USP10: variants seen among roughly 807,000 people sequenced by gnomAD.
The protein encoded by USP10 is ubiquitin carboxyl-terminal hydrolase 10.
USP10 carries 22 observed loss-of-function variants against 84.5 expected under a neutral mutation model. The observed-to-expected ratio is 0.26, with a 90% CI of 0.19 to 0.37. The LOEUF is 0.37. Ranked by LOEUF, USP10 falls within the 10% of genes least tolerant of loss-of-function variation. The pLI, the probability that USP10 is intolerant of heterozygous loss-of-function variation, is 1.00. For synonymous variants in USP10, 454 were observed against 387.6 expected (o/e 1.17, Z -2.01); for missense variants, 1,019 against 998.9 (o/e 1.02, Z -0.27).
intron 3 of USP10, among the ~76,000 whole-genome samples, chr16:84,741,258 A>G (rs1394184959): frequency 6.6e-6 from 1 of 152,254 alleles, no homozygotes; most frequent in Non-Finnish European, 1.5e-5. Flanking sequence ...TTTATAAGAA[A>G]TGTGGGAGAC....
rs34240400 is a variant in USP10, at chr16:84,735,196, G to GGTGTGT, written c.90+1729_90+1734dup. ...CAGGTGTGTGCTGCCAGGCCCGGGTGGTGTGTGTGTGTGTGTGTGTGTGTG... is the reference window on the plus strand; with the variant it reads ...CAGGTGTGTGCTGCCAGGCCCGGGTGGTGTGTGTGTGTGTGTGTGTGTGTGTGTGTG... On this transcript the variant is annotated intron_variant, in intron 2 of 13. Coordinates refer to ENST00000219473, the MANE Select transcript of USP10 (RefSeq NM_005153.3). Among the ~76,000 whole-genome samples the GGTGTGT allele has an allele frequency of 2.3e-3, 333 of 146,372 alleles. 1 individual carries two copies. The highest frequency in any genetic ancestry group is 3.8e-3 in the Non-Finnish European group (251 of 66,474).
intron 4 of USP10, among the ~76,000 whole-genome samples, chr16:84,746,239 T>C (rs1209206574): frequency 6.6e-6 from 1 of 152,172 alleles, no homozygotes; most frequent in Non-Finnish European, 1.5e-5. Flanking sequence ...GTAGAAACAA[T>C]TCACAATAAA....
intron 10 of USP10, 90 bp downstream of exon 10, chr16:84,764,353 A>T: frequency 6.5e-7 from 1 of 1,535,036 alleles, no homozygotes; most frequent in Admixed American, 1.8e-5. Flanking sequence ...TTGTTTTGAG[A>T]CTTCTTGGAC....
intron 4 of USP10, among the ~76,000 whole-genome samples, chr16:84,748,779 C>T (rs1156367898): frequency 6.6e-6 from 1 of 152,154 alleles, no homozygotes; most frequent in Non-Finnish European, 1.5e-5. Flanking sequence ...TTGTTATGTT[C>T]TGTATATGTT....
At chr16:84,754,148 G>A (rs1003256797) in intron 4 of USP10, among the ~76,000 whole-genome samples, 1 of 152,202 alleles carries the variant, frequency 6.6e-6, no homozygotes, top group African/African-American at 2.4e-5. Flanking sequence ...GGTAGGCAGT[G>A]ATGAGGTCAG....
In USP10 at chr16:84,744,797, A is replaced by G. The variant is rs1198934307; in HGVS notation, c.316A>G (p.Lys106Glu). ...CAAAATAACCCCTGATGGTATCACT[A>G]AAGAAGCAAGCTATGGCTCCATCGA... is the stretch of plus-strand genomic sequence containing the variant. ...ASKITPDGIT[K>E]EASYGSIDCQ... The change falls in exon 4 of 14, where the codon AAA (lysine) becomes GAA (glutamate). Residue 106 changes from lysine to glutamate, a missense_variant. By Grantham distance (56) the Lys-to-Glu change is moderately conservative (BLOSUM62 1). Coordinates refer to ENST00000219473, the MANE Select transcript of USP10 (RefSeq NM_005153.3). The G allele has an allele frequency of 6.2e-7, 1 of 1,613,748 alleles. No individual in the cohort carries two copies. Among genetic ancestry groups the G allele is most frequent in the Non-Finnish European group, 8.5e-7 (1 of 1,179,706 alleles).
rs551624637 is a variant in USP10, at chr16:84,745,546, G to A, written c.1065G>A (p.Ser355=). 6 of 1,612,204 alleles carry A rather than the reference G, an allele frequency of 3.7e-6. No individual in the cohort carries two copies. The highest frequency in any genetic ancestry group is 1.6e-4 in the Middle Eastern group (1 of 6,080). ...LFHDSKPSSS[S]PVAYVETKYS... is the part of the protein sequence containing the mutation. Reference sequence around the variant, plus strand: ...ATGATTCTAAGCCCTCTTCCTCCTCGCCGGTGGCCTATGTGGAAACTAAGT... The same window carrying A: ...ATGATTCTAAGCCCTCTTCCTCCTCACCGGTGGCCTATGTGGAAACTAAGT... Residue 355 remains serine (S), a synonymous_variant, in exon 4 of 14, where the codon TCG becomes TCA. Transcript: ENST00000219473.
At position 84,759,725 on chromosome 16, in the gene USP10, C is replaced by T. The variant is rs1424573941; in HGVS notation, c.1395-166C>T. 4.0e-6 allele frequency: 3 copies of T among 749,060 alleles called. No individual in the cohort carries two copies. The African/African-American group carries it at 5.3e-5, about 13-fold the overall frequency. 46.4% of individuals were successfully genotyped at this position (749,060 alleles called of 1,614,324 possible). A position where few individuals can be genotyped will look rare whatever the true frequency, so the allele number is the denominator to read the frequency against. On this transcript the variant is annotated intron_variant, in intron 6 of 13. Coordinates refer to ENST00000219473, the MANE Select transcript of USP10 (RefSeq NM_005153.3). Reference sequence around the variant, plus strand: ...CCAGCATATATCACTTGAAATAGACCAAAAATGCATATAGAAGAGACTTGA... The same window carrying T: ...CCAGCATATATCACTTGAAATAGACTAAAAATGCATATAGAAGAGACTTGA...
At chr16:84,762,686 G>C (rs1913346186) in intron 8 of USP10, among the ~76,000 whole-genome samples, 1 of 128,354 alleles carries the variant, frequency 7.8e-6, no homozygotes, top group Non-Finnish European at 1.7e-5. Flanking sequence ...ATGAGACTTT[G>C]TCTCAAAAAA....
chr16:84,771,098 T>C (rs907727276), intron 11 of USP10, among the ~76,000 whole-genome samples: 3 of 150,906 alleles, frequency 2.0e-5, no homozygotes, highest in African/African-American at 7.3e-5. Flanking sequence ...ATGGGAAGCA[T>C]CAAAGACTTT....
chr16:84,716,831 G>C (rs745601519), intron 1 of USP10, among the ~76,000 whole-genome samples: 4 of 152,118 alleles, frequency 2.6e-5, no homozygotes, highest in Non-Finnish European at 5.9e-5. Context: ...CGCATGTCCT[G>C]GTCTAAACTT....
At chr16:84,757,128 A>G (rs1403191640) in intron 4 of USP10, among the ~76,000 whole-genome samples, 2 of 152,330 alleles carry the variant, frequency 1.3e-5, no homozygotes, top group African/African-American at 2.4e-5. Flanking sequence ...TGTCCCTCAC[A>G]TGACAGGTGC....
intron 2 of USP10, 59 bp downstream of exon 2, chr16:84,733,562 C>G: frequency 2.4e-6 from 3 of 1,228,058 alleles, no homozygotes; most frequent in Non-Finnish European, 2.3e-6. Context: ...AGTTATGTTT[C>G]TATTTTAATT....
intron 1 of USP10, among the ~76,000 whole-genome samples, chr16:84,713,876 C>G (rs1360776012): frequency 6.6e-6 from 1 of 152,230 alleles, no homozygotes; most frequent in East Asian, 1.9e-4. Context: ...GCGCCCAAAG[C>G]AGAAAGACCT....
chr16:84,752,596 A>G (rs1008577930), intron 4 of USP10, among the ~76,000 whole-genome samples: 4 of 152,228 alleles, frequency 2.6e-5, no homozygotes, highest in African/African-American at 9.6e-5. Flanking sequence ...GATATTAGAA[A>G]TTTGGAAGTG....
intron 13 of USP10, among the ~76,000 whole-genome samples, chr16:84,778,111 G>A (rs1597418012): frequency 6.6e-6 from 1 of 151,906 alleles, no homozygotes; most frequent in Non-Finnish European, 1.5e-5. Context: ...GTGTGTGTGT[G>A]TGTGTGTTTT....
intron 5 of USP10, 53 bp from the exon 6 acceptor site, chr16:84,759,310 A>T: frequency 1.3e-6 from 2 of 1,533,646 alleles, no homozygotes; most frequent in South Asian, 1.1e-5. Flanking sequence ...TGCCTTCAGG[A>T]AATGTGGTGT....
In USP10 at chr16:84,768,356, G is replaced by A. The variant is rs1914079975; in HGVS notation, c.1996G>A (p.Glu666Lys). 5.0e-6 allele frequency: 8 copies of A among 1,598,264 alleles called. No individual in the cohort carries two copies. Among genetic ancestry groups the A allele is most frequent in the Non-Finnish European group, 6.8e-6 (8 of 1,171,098 alleles). Residue 666 changes from glutamate (E) to lysine (K), a missense_variant and splice_region_variant, in exon 11 of 14, where the codon GAG (glutamate) becomes AAG (lysine). Glu to Lys is a moderately conservative substitution (Grantham distance 56, BLOSUM62 1). This residue lies in a region of USP10 where 232 missense variants were observed against 290.1 expected (regional missense o/e 0.80). Coordinates refer to ENST00000219473, the MANE Select transcript of USP10 (RefSeq NM_005153.3). ...VQGYTTKTKQ[E>K]VEISRRVTLE... ...AGGTTATACCACAAAAACCAAACAA[G>A]AGGTATGTTCACACTTGATTTTGAA...
chr16:84,771,419 C>A (rs1417894723), intron 11 of USP10, among the ~76,000 whole-genome samples: 2 of 151,942 alleles, frequency 1.3e-5, no homozygotes, highest in South Asian at 2.1e-4. Flanking sequence ...CACCTGAGCC[C>A]AGGAAGTCAA....
Sources: gnomAD v4.1 joint callset for allele counts (sites outside exome capture counted in the v4.1 genomes callset) on GRCh38, gnomAD v4.1.1 for gene constraint, gnomAD v4.1.1 regional missense constraint, MANE v1.5 for transcripts, NCBI Gene and HGNC (gene_info 2026-07-23, HGNC 2026-07-21) for gene names.